CCDC30: variants seen among roughly 807,000 people sequenced by gnomAD.
CCDC30 encodes coiled-coil domain-containing protein 30.
In CCDC30, 70 loss-of-function variants were observed where a neutral mutation model predicts 100.2. The observed-to-expected ratio is 0.70, with a 90% CI of 0.58 to 0.85. The LOEUF (loss-of-function observed/expected upper bound fraction) is 0.85. Among genes scored for constraint, CCDC30 ranks in the 40% least tolerant of loss-of-function variants. The pLI, the probability that CCDC30 is intolerant of heterozygous loss-of-function variation, is 0.00. For missense variants in CCDC30, 652 were observed against 771.2 expected (o/e 0.85, Z 1.83); for synonymous variants, 233 against 269.5 (o/e 0.86, Z 1.33).
intron 6 of CCDC30, among the ~76,000 whole-genome samples, chr1:42,523,851 C>G (rs1441952105): frequency 1.3e-5 from 2 of 152,096 alleles, no homozygotes; most frequent in Non-Finnish European, 2.9e-5. Context: ...ATTTCTTCTG[C>G]CTGCTCAAAT....
chr1:42,537,583 C>T (rs750559508), intron 6 of CCDC30: 59 of 311,888 alleles, frequency 1.9e-4, no homozygotes, highest in Non-Finnish European at 7.4e-5. Context: ...AACCTATTCC[C>T]TTCATTGAGC....
intron 6 of CCDC30, among the ~76,000 whole-genome samples, chr1:42,502,305 C>T (rs1644328527): frequency 6.7e-6 from 1 of 149,616 alleles, no homozygotes; most frequent in Non-Finnish European, 1.5e-5. Flanking sequence ...TCCTGGTGTG[C>T]CATTTGCTAA....
At chr1:42,527,035 G>A (rs1644733588) in intron 6 of CCDC30, among the ~76,000 whole-genome samples, 1 of 152,116 alleles carries the variant, frequency 6.6e-6, no homozygotes, top group Non-Finnish European at 1.5e-5. Flanking sequence ...AACATACTTT[G>A]TGTTCATCAT....
At chr1:42,547,149 G>A (rs1191343005) in intron 6 of CCDC30, among the ~76,000 whole-genome samples, 3 of 152,126 alleles carry the variant, frequency 2.0e-5, no homozygotes, top group African/African-American at 7.2e-5. Flanking sequence ...AGAGCATCTT[G>A]GAGTGACGAT....
chr1:42,530,297 C>A (rs368465236), intron 6 of CCDC30, among the ~76,000 whole-genome samples: 1 of 152,138 alleles, frequency 6.6e-6, no homozygotes, highest in Non-Finnish European at 1.5e-5. Flanking sequence ...TAGAGAGAGA[C>A]CACATTCACA....
At chr1:42,481,407 C>G (rs1643955223) in intron 2 of CCDC30, among the ~76,000 whole-genome samples, 1 of 151,904 alleles carries the variant, frequency 6.6e-6, no homozygotes, top group South Asian at 2.1e-4. Flanking sequence ...GAAACCCTGT[C>G]TCTACTAAAA....
rs527604302 is a variant in CCDC30, at chr1:42,527,888, C to T, written c.456+28972C>T. Among the ~76,000 whole-genome samples, 5 of 149,816 alleles carry T rather than the reference C, an allele frequency of 3.3e-5. No individual in the cohort carries two copies. In the East Asian group the frequency reaches 5.9e-4, roughly 18 times the overall value. On this transcript the variant is annotated intron_variant, in intron 6 of 16. Transcript: ENST00000668663. Reference sequence around the variant, plus strand: ...CTTTCTTTTTTTATTTTTTTGAAACCGAGTTTTGCTCTTGTCACCAAGGCT... The same window carrying T: ...CTTTCTTTTTTTATTTTTTTGAAACTGAGTTTTGCTCTTGTCACCAAGGCT...
At chr1:42,590,690 C>T (rs767297081) in intron 10 of CCDC30, 3 of 151,788 alleles carry the variant, frequency 2.0e-5, no homozygotes, top group Non-Finnish European at 2.9e-5. Flanking sequence ...GAGCCATGAT[C>T]ATGCCACTAC....
intron 15 of CCDC30, among the ~76,000 whole-genome samples, chr1:42,649,792 T>C (rs1648180862): frequency 6.6e-6 from 1 of 152,096 alleles, no homozygotes. Flanking sequence ...AGTGCTTCTA[T>C]ACACCAATAA....
intron 11 of CCDC30, among the ~76,000 whole-genome samples, chr1:42,634,049 A>T (rs1165935323): frequency 6.6e-6 from 1 of 152,114 alleles, no homozygotes; most frequent in Non-Finnish European, 1.5e-5. Context: ...AACCGCCCCC[A>T]TGATTCAATT....
chr1:42,600,330 G>A (rs1646379514), intron 10 of CCDC30, among the ~76,000 whole-genome samples: 1 of 152,136 alleles, frequency 6.6e-6, no homozygotes. Flanking sequence ...GGAGGAGTAG[G>A]TGAAATTCAC....
At chr1:42,579,935 T>A (rs1484490979) in intron 8 of CCDC30, among the ~76,000 whole-genome samples, 1 of 133,426 alleles carries the variant, frequency 7.5e-6, no homozygotes, top group African/African-American at 3.1e-5. Flanking sequence ...CAACAGCACA[T>A]CTCAAAAAAA....
Position 42,556,811 on chromosome 1 carries a change from C to T in CCDC30, c.457-9485C>T, listed in dbSNP as rs539438795. 6.0e-4 allele frequency among the ~76,000 whole-genome samples: 91 copies of T among 152,216 alleles called. 1 individual carries two copies. In the South Asian group the frequency reaches 0.015, roughly 25 times the overall value. ...CATCTAAGCTCAGCAGGAAAATTACCGATTGACTGTTGACATCTGCCCTAG... is the reference window on the plus strand; with the variant it reads ...CATCTAAGCTCAGCAGGAAAATTACTGATTGACTGTTGACATCTGCCCTAG... On this transcript the variant is annotated intron_variant, in intron 6 of 16. Coordinates refer to ENST00000668663, the Ensembl canonical transcript of CCDC30.
At position 42,500,325 on chromosome 1, in the gene CCDC30, G is replaced by A. The variant is rs577761356; in HGVS notation, c.456+1409G>A. 2.9e-5 allele frequency: 47 copies of A among 1,607,622 alleles called. No individual in the cohort carries two copies. The African/African-American group carries it at 5.6e-4, about 19-fold the overall frequency. On this transcript the variant is annotated intron_variant, in intron 6 of 16. Coordinates refer to ENST00000668663, the Ensembl canonical transcript of CCDC30. ...CGAATTTCTCCATCTCAGCCATATCGGGTTTGTCAGACATAGTTGCCGAGG... is the reference window on the plus strand; with the variant it reads ...CGAATTTCTCCATCTCAGCCATATCAGGTTTGTCAGACATAGTTGCCGAGG...
At chr1:42,610,858 A>T (rs1258232079) in intron 10 of CCDC30, 120 bp from the exon 15 acceptor site, 1 of 546,770 alleles carries the variant, frequency 1.8e-6, no homozygotes. Context: ...AGCTACTATG[A>T]TCTCAGAAGC....
At chr1:42,459,326 C>G (rs1643337983), upstream of CCDC30, 1 of 371,758 alleles carries the variant, frequency 2.7e-6, no homozygotes, top group Non-Finnish European at 4.9e-6. Flanking sequence ...CCATGCTTGG[C>G]TAATTTTTGT....
intron 6 of CCDC30, among the ~76,000 whole-genome samples, chr1:42,551,828 C>G (rs1645259003): frequency 6.6e-6 from 1 of 151,628 alleles, no homozygotes; most frequent in Non-Finnish European, 1.5e-5. Context: ...CATCACAGCT[C>G]ACTACAACAT....
chr1:42,549,345 G>T (rs1459078429), intron 6 of CCDC30, among the ~76,000 whole-genome samples: 2 of 152,160 alleles, frequency 1.3e-5, no homozygotes, highest in Admixed American at 6.5e-5. Flanking sequence ...AAACTGAAAT[G>T]ACTATTTCAT....
At chr1:42,620,394 A>T (rs571790471) in intron 11 of CCDC30, among the ~76,000 whole-genome samples, 1 of 150,176 alleles carries the variant, frequency 6.7e-6, no homozygotes, top group South Asian at 2.1e-4. Context: ...AATGAAATGT[A>T]AAAAAACAAG....
Sources: gnomAD v4.1 joint callset for allele counts (sites outside exome capture counted in the v4.1 genomes callset) on GRCh38, gnomAD v4.1.1 for gene constraint, MANE v1.5 for transcripts, NCBI Gene and HGNC (gene_info 2026-07-23, HGNC 2026-07-21) for gene names.